Variants in EYS observed in about 807,000 individuals in gnomAD.
EYS encodes EGF-like photoreceptor maintenance factor.
Under a neutral mutation model 282.1 loss-of-function variants are expected in EYS, and 250 were observed. The observed-to-expected ratio is 0.89, with a 90% CI of 0.80 to 0.98. EYS has a LOEUF of 0.98. Among genes scored for constraint, EYS ranks in the 50% least tolerant of loss-of-function variants. EYS has a pLI of 0.00. For missense variants in EYS, 4,016 were observed against 3,709.0 expected (o/e 1.08, Z -2.15); for synonymous variants, 1,355 against 1,282.9 (o/e 1.06, Z -1.20).
At chr6:63,828,128 T>A (rs976249745) in intron 36 of EYS, among the ~76,000 whole-genome samples, 1 of 151,694 alleles carries the variant, frequency 6.6e-6, no homozygotes, top group Non-Finnish European at 1.5e-5. Context: ...AACACCTACA[T>A]CAAAAAGTCT....
intron 5 of EYS, among the ~76,000 whole-genome samples, chr6:65,435,786 G>A (rs756786738): frequency 4.9e-4 from 74 of 151,924 alleles, no homozygotes; most frequent in Non-Finnish European, 1.0e-3. Context: ...ATATAATTAA[G>A]GTAAATGAGG....
chr6:64,234,094 T>A (rs944259863), intron 30 of EYS, among the ~76,000 whole-genome samples: 1 of 152,124 alleles, frequency 6.6e-6, no homozygotes, highest in Non-Finnish European at 1.5e-5. Context: ...GATGAAATAT[T>A]AAAAAGAAAC....
At chr6:64,641,221 G>T (rs987722358) in intron 22 of EYS, among the ~76,000 whole-genome samples, 3 of 152,134 alleles carry the variant, frequency 2.0e-5, no homozygotes, top group Non-Finnish European at 4.4e-5. Context: ...GTCCCTTCTT[G>T]CACAGATGGC....
At chr6:63,900,873 A>G (rs1773641431) in intron 35 of EYS, among the ~76,000 whole-genome samples, 1 of 152,230 alleles carries the variant, frequency 6.6e-6, no homozygotes, top group African/African-American at 2.4e-5. Flanking sequence ...TCATAAATTT[A>G]GGCAAGTTTA....
intron 30 of EYS, among the ~76,000 whole-genome samples, chr6:64,242,566 T>G (rs1209673249): frequency 6.6e-6 from 1 of 151,972 alleles, no homozygotes; most frequent in Non-Finnish European, 1.5e-5. Context: ...CTGTGTTCAT[T>G]TTTCTTGTTG....
chr6:65,605,755 AC>A (rs1239484508), intron 2 of EYS, among the ~76,000 whole-genome samples: 1 of 151,786 alleles, frequency 6.6e-6, no homozygotes, highest in Non-Finnish European at 1.5e-5. Flanking sequence ...AGATAGCCAC[AC>A]TTTTTTGAGT....
chr6:64,830,452 A>C (rs9453079), intron 19 of EYS, among the ~76,000 whole-genome samples: 44,131 of 151,734 alleles, frequency 0.29, 6,806 homozygotes, highest in African/African-American at 0.4. Flanking sequence ...CTTCATTGTC[A>C]TTCATGAACA....
chr6:65,556,219 C>T (rs1430282346), intron 2 of EYS, among the ~76,000 whole-genome samples: 1 of 152,160 alleles, frequency 6.6e-6, no homozygotes, highest in Non-Finnish European at 1.5e-5. Context: ...ACCTGTAGTC[C>T]TAGCTGTTCA....
intron 1 of EYS, among the ~76,000 whole-genome samples, chr6:65,647,313 T>C (rs182612654): frequency 4.7e-4 from 71 of 152,218 alleles, no homozygotes; most frequent in African/African-American, 1.6e-3. Context: ...GGTATAAAAA[T>C]AGGCACATAG....
At chr6:64,951,260 T>C (rs1266446469) in intron 14 of EYS, among the ~76,000 whole-genome samples, 2 of 151,896 alleles carry the variant, frequency 1.3e-5, no homozygotes, top group African/African-American at 4.8e-5. Context: ...TGTTAAACAC[T>C]TCTAGCTTTC....
intron 12 of EYS, among the ~76,000 whole-genome samples, chr6:65,117,553 C>T (rs558288453): frequency 4.6e-5 from 7 of 152,160 alleles, no homozygotes; most frequent in Non-Finnish European, 1.0e-4. Flanking sequence ...AGAATAAGTC[C>T]CTCCTCACAT....
At chr6:63,759,511 A>G (rs982370017) in intron 41 of EYS, among the ~76,000 whole-genome samples, 6 of 152,132 alleles carry the variant, frequency 3.9e-5, no homozygotes, top group African/African-American at 1.4e-4. Flanking sequence ...AAAGCATAGA[A>G]GACTAAACAA....
intron 35 of EYS, among the ~76,000 whole-genome samples, chr6:63,903,110 T>G (rs1485472362): frequency 6.6e-6 from 1 of 152,178 alleles, no homozygotes; most frequent in Non-Finnish European, 1.5e-5. Context: ...TCATATATTT[T>G]TTGCCAGACT....
chr6:63,898,688 A>G (rs1026965516), intron 35 of EYS, among the ~76,000 whole-genome samples: 9 of 152,164 alleles, frequency 5.9e-5, no homozygotes, highest in Non-Finnish European at 1.0e-4. Flanking sequence ...CATCAAGGAA[A>G]GATTACTAAT....
In EYS at chr6:64,813,398, A is replaced by G. The variant is rs1227349727; in HGVS notation, c.3423T>C (p.Pro1141=). 6.5e-7 allele frequency: 1 copy of G among 1,547,592 alleles called. No individual in the cohort carries two copies. The highest frequency in any genetic ancestry group is 8.7e-7 in the Non-Finnish European group (1 of 1,144,668). The change falls in exon 22 of 43, where the codon CCT becomes CCC. Residue 1141 remains proline, a synonymous_variant. Transcript: ENST00000503581. ...CLNGGICVDG[P]GHTFDCRCLP... is the part of the protein sequence containing the mutation. Reference sequence around the variant, plus strand: ...CTGACCTGCAGTCAAAAGTATGTCCAGGCCCATCAACACAGATCCCTCCAT... The same window carrying G: ...CTGACCTGCAGTCAAAAGTATGTCCGGGCCCATCAACACAGATCCCTCCAT...
intron 7 of EYS, among the ~76,000 whole-genome samples, chr6:65,389,395 A>G (rs529342642): frequency 3.7e-4 from 56 of 152,250 alleles, no homozygotes; most frequent in Admixed American, 1.3e-3. Flanking sequence ...TCTGCCATGA[A>G]CACTCTTCCC....
At chr6:64,349,225 T>G (rs1273176482) in intron 29 of EYS, among the ~76,000 whole-genome samples, 1 of 151,316 alleles carries the variant, frequency 6.6e-6, no homozygotes, top group Non-Finnish European at 1.5e-5. Context: ...TAATAAAATG[T>G]GTAAGCAATG....
At chr6:63,842,846 C>A (rs1771997175) in intron 36 of EYS, among the ~76,000 whole-genome samples, 2 of 152,160 alleles carry the variant, frequency 1.3e-5, no homozygotes, top group Admixed American at 6.5e-5. Context: ...TTTCCCAACA[C>A]CATTTATTAA....
In EYS at chr6:64,126,934, T is replaced by C. The variant is rs74872312; in HGVS notation, c.6425-44932A>G. On this transcript the variant is annotated intron_variant, in intron 31 of 42. Transcript: ENST00000503581. ...CAGGTGCCTAGTCCAATGCCTATTC[T>C]AGGCTCCAGTAAGACATAGACTCTG... Among the ~76,000 whole-genome samples the C allele has an allele frequency of 3.7e-3, 565 of 152,266 alleles. 4 individuals are homozygous for C. Among genetic ancestry groups the C allele is most frequent in the Admixed American group, 8.4e-3 (128 of 15,300 alleles).
Sources: gnomAD v4.1 joint callset for allele counts (sites outside exome capture counted in the v4.1 genomes callset) on GRCh38, gnomAD v4.1.1 for gene constraint, MANE v1.5 for transcripts, NCBI Gene and HGNC (gene_info 2026-07-23, HGNC 2026-07-21) for gene names.